LAMP1: variants seen among roughly 807,000 people sequenced by gnomAD.
LAMP1 encodes lysosome associated membrane protein 1.
In LAMP1, 7 loss-of-function variants were observed where a neutral mutation model predicts 37.5. The observed-to-expected ratio is 0.19, with a 90% CI of 0.11 to 0.35. The LOEUF is 0.35. Ranked by LOEUF, LAMP1 falls within the 10% of genes least tolerant of loss-of-function variation. The probability of loss-of-function intolerance (pLI) is 1.00; values close to 1 mark genes in which losing one functional copy is unlikely to be tolerated. For synonymous variants in LAMP1, 236 were observed against 229.1 expected (o/e 1.03, Z -0.27); for missense variants, 537 against 552.8 (o/e 0.97, Z 0.29).
chr13:113,307,028 A>T (rs2042603212), intron 2 of LAMP1, among the ~76,000 whole-genome samples: 1 of 151,200 alleles, frequency 6.6e-6, no homozygotes. Context: ...TTTAGTAGAG[A>T]TGGGGTTTCA....
intron 1 of LAMP1, among the ~76,000 whole-genome samples, chr13:113,303,870 G>GT (rs1027419097): frequency 3.2e-4 from 49 of 152,296 alleles, no homozygotes; most frequent in African/African-American, 1.1e-3. Context: ...GAGGCGAGGA[G>GT]TTGGAGACCA....
intron 2 of LAMP1, among the ~76,000 whole-genome samples, chr13:113,308,941 T>C (rs182618226): frequency 9.2e-5 from 14 of 152,348 alleles, no homozygotes; most frequent in Admixed American, 7.8e-4. Flanking sequence ...AACACCTTCT[T>C]TGTTTAAAGA....
intron 4 of LAMP1, among the ~76,000 whole-genome samples, chr13:113,319,007 C>T (rs2042682270): frequency 6.6e-6 from 1 of 152,216 alleles, no homozygotes; most frequent in Non-Finnish European, 1.5e-5. Flanking sequence ...GGCGCTCACC[C>T]GACAGCTCAG....
rs973336306 is a variant in LAMP1, at chr13:113,297,287, A to T, written c.-148A>T. The T allele has an allele frequency of 5.7e-6, 1 of 174,364 alleles. No homozygotes were observed. The highest frequency in any genetic ancestry group is 2.4e-5 in the African/African-American group (1 of 41,882). 10.8% of individuals were successfully genotyped at this position (174,364 alleles called of 1,614,324 possible). On this transcript the variant is annotated 5_prime_UTR_variant, in exon 1 of 9. Coordinates refer to ENST00000332556, the MANE Select transcript of LAMP1 (RefSeq NM_005561.4). This position sits in a 1 kb window ranked among gnomAD's most constrained non-coding sequence, Gnocchi z 4.4. The stretch of plus-strand genomic sequence containing the variant: ...GGTGTCTTCTTCGTGCCGGCGTCGC[A>T]GTGGCCGGGCCTCTTGCGTCTGGTA...
chr13:113,306,886 C>G (rs2042602375), intron 2 of LAMP1, among the ~76,000 whole-genome samples: 1 of 121,772 alleles, frequency 8.2e-6, no homozygotes, highest in Non-Finnish European at 1.6e-5. Context: ...GTCACCCAGG[C>G]TGGAGTGCAG....
At position 113,319,098 on chromosome 13, in the gene LAMP1, C is replaced by T. The variant is rs556698855; in HGVS notation, c.563-371C>T. 2.0e-3 allele frequency among the ~76,000 whole-genome samples: 310 copies of T among 152,350 alleles called. 1 individual carries two copies. The highest frequency in any genetic ancestry group is 5.5e-3 in the Admixed American group (84 of 15,310). Reference sequence around the variant, plus strand: ...GCACAGCTTCCTGCGTCCACTCCTTCGTGACAGCGTTCAAGGCTTTCTCAC... The same window carrying T: ...GCACAGCTTCCTGCGTCCACTCCTTTGTGACAGCGTTCAAGGCTTTCTCAC... On this transcript the variant is annotated intron_variant, in intron 4 of 8. Transcript: ENST00000332556.
intron 4 of LAMP1, among the ~76,000 whole-genome samples, chr13:113,318,552 G>A (rs1264704721): frequency 1.3e-5 from 2 of 152,104 alleles, no homozygotes; most frequent in African/African-American, 2.4e-5. Flanking sequence ...CAGAAGACTC[G>A]GTAGAGCTCT....
At chr13:113,319,429 G>A (rs2042684705) in intron 4 of LAMP1, 40 bp from the exon 5 acceptor site, 1 of 1,543,482 alleles carries the variant, frequency 6.5e-7, no homozygotes. Context: ...TGATGGTTAT[G>A]AGAAACCCAG....
chr13:113,297,284 C>A lies in LAMP1; in HGVS notation c.-151C>A, dbSNP rs775529395. The A allele has an allele frequency of 1.4e-4, 25 of 173,730 alleles. No individual in the cohort carries two copies. Among genetic ancestry groups the A allele is most frequent in the Non-Finnish European group, 2.1e-4 (17 of 82,884 alleles). 10.8% of individuals were successfully genotyped at this position (173,730 alleles called of 1,614,324 possible). ...CGCGGTGTCTTCTTCGTGCCGGCGT[C>A]GCAGTGGCCGGGCCTCTTGCGTCTG... On this transcript the variant is annotated 5_prime_UTR_variant, in exon 1 of 9. Coordinates refer to ENST00000332556, the MANE Select transcript of LAMP1 (RefSeq NM_005561.4). The surrounding 1 kb of genome is among the most constrained non-coding windows in gnomAD (Gnocchi z 4.4).
chr13:113,301,705 A>T (rs1214189863), intron 1 of LAMP1, among the ~76,000 whole-genome samples: 1 of 142,074 alleles, frequency 7.0e-6, no homozygotes, highest in Non-Finnish European at 1.5e-5. Context: ...ACACACACAC[A>T]CACTTATACC....
intron 1 of LAMP1, among the ~76,000 whole-genome samples, chr13:113,298,357 T>C (rs1197296474): frequency 6.6e-6 from 1 of 152,148 alleles, no homozygotes; most frequent in African/African-American, 2.4e-5. Context: ...GTGTGCTGTC[T>C]CTTTAAGACA....
At chr13:113,319,380 T>G in intron 4 of LAMP1, 89 bp from the exon 5 acceptor site, 2 of 1,180,528 alleles carry the variant, frequency 1.7e-6, no homozygotes, top group Non-Finnish European at 2.4e-6. Context: ...AGTCCACAGA[T>G]GTAGTTTTGT....
intron 1 of LAMP1, among the ~76,000 whole-genome samples, chr13:113,304,694 T>C (rs1172191236): frequency 1.3e-5 from 2 of 151,902 alleles, no homozygotes; most frequent in African/African-American, 2.4e-5. Context: ...TTTGCTCTTG[T>C]CACCCAGGCT....
At chr13:113,302,138 C>T (rs184811095) in intron 1 of LAMP1, among the ~76,000 whole-genome samples, 14 of 152,278 alleles carry the variant, frequency 9.2e-5, no homozygotes, top group South Asian at 6.2e-4. Context: ...GCTGGGATTA[C>T]AGGCGGTAGC....
rs148546430 is a variant in LAMP1 at position 113,319,885 on chromosome 13, A to G, written c.750+229A>G. ...TTCCATCATCCAAGGCTGGTGTCCC[A>G]GCATGGCCTATTGGGCAGTGTGGCC... On this transcript the variant is annotated intron_variant, in intron 5 of 8. Coordinates refer to ENST00000332556, the MANE Select transcript of LAMP1 (RefSeq NM_005561.4). Among the ~76,000 whole-genome samples, 32 of 152,382 alleles carry G rather than the reference A, an allele frequency of 2.1e-4. No homozygotes were observed. In the East Asian group the frequency reaches 5.8e-3, roughly 28 times the overall value.
At chr13:113,315,271 G>A (rs1174676863) in intron 4 of LAMP1, among the ~76,000 whole-genome samples, 1 of 151,568 alleles carries the variant, frequency 6.6e-6, no homozygotes, top group African/African-American at 2.4e-5. Context: ...CTGGGGCGGG[G>A]CCTCCTGGAG....
Position 113,297,569 on chromosome 13 carries a change from G to A in LAMP1, c.61+74G>A, listed in dbSNP as rs2042549398. The A allele has an allele frequency of 1.7e-6, 2 of 1,189,484 alleles. No individual in the cohort carries two copies. The highest frequency in any genetic ancestry group is 2.1e-6 in the Non-Finnish European group (2 of 956,698). 73.7% of individuals were successfully genotyped at this position (1,189,484 alleles called of 1,614,324 possible). The stretch of plus-strand genomic sequence containing the variant: ...GAGGTCCCTGGGTCTTGAGGGCGGG[G>A]GACTGCCGGGTCGTTGTCCCGCGGG... On this transcript the variant is annotated intron_variant, in intron 1 of 8. Coordinates refer to ENST00000332556, the MANE Select transcript of LAMP1 (RefSeq NM_005561.4). The surrounding 1 kb of genome is among the most constrained non-coding windows in gnomAD (Gnocchi z 4.4).
In LAMP1 at chr13:113,320,238, G is replaced by A. The variant is rs2042690218; in HGVS notation, c.751-107G>A. 2 of 1,343,436 alleles carry A rather than the reference G, an allele frequency of 1.5e-6. No individual in the cohort carries two copies. Among genetic ancestry groups the A allele is most frequent in the Non-Finnish European group, 2.1e-6 (2 of 953,002 alleles). 83.2% of individuals were successfully genotyped at this position (1,343,436 alleles called of 1,614,324 possible). On this transcript the variant is annotated intron_variant, in intron 5 of 8. Transcript: ENST00000332556. This position sits in a 1 kb window ranked among gnomAD's most constrained non-coding sequence, Gnocchi z 4.4. ...CTTTCAGTGTTTTCCTTCTGGTTTTGGTTAAAACAAATGTGGCCTTGAATT... is the reference window on the plus strand; with the variant it reads ...CTTTCAGTGTTTTCCTTCTGGTTTTAGTTAAAACAAATGTGGCCTTGAATT...
rs1396601116 is a variant in LAMP1 at position 113,322,731 on chromosome 13, CGCTGT to C, written c.*311_*315del. The C allele has an allele frequency of 2.8e-5, 2 of 70,602 alleles. No homozygotes were observed. Among genetic ancestry groups the C allele is most frequent in the African/African-American group, 1.3e-4 (2 of 15,542 alleles). 4.4% of individuals were successfully genotyped at this position (70,602 alleles called of 1,614,324 possible). Reference sequence around the variant, plus strand: ...CGCTGTCTCTGAGGGGTGGGGGTGCCGCTGTCTCTGAGGGGTGGGGGTGCCGCTCT... The same window carrying C: ...CGCTGTCTCTGAGGGGTGGGGGTGCCCTCTGAGGGGTGGGGGTGCCGCTCT... On this transcript the variant is annotated 3_prime_UTR_variant, in exon 9 of 9. Coordinates refer to ENST00000332556, the MANE Select transcript of LAMP1 (RefSeq NM_005561.4).
Sources: gnomAD v4.1 joint callset for allele counts (sites outside exome capture counted in the v4.1 genomes callset) on GRCh38, gnomAD v4.1.1 for gene constraint, Gnocchi (gnomAD v3.1) non-coding constraint, MANE v1.5 for transcripts, NCBI Gene and HGNC (gene_info 2026-07-23, HGNC 2026-07-21) for gene names.